Variants in C1orf159 observed in about 807,000 individuals in gnomAD.
The protein encoded by C1orf159 is chromosome 1 open reading frame 159, also known as uncharacterized protein C1orf159.
A neutral mutation model predicts 25.6 loss-of-function variants in C1orf159; 19 were observed. The observed-to-expected ratio is 0.74, with a 90% confidence interval of 0.52 to 1.09. The LOEUF (loss-of-function observed/expected upper bound fraction) is 1.09. C1orf159 is among the 50% of genes least tolerant of loss of function. C1orf159 has a pLI of 0.00. For missense variants in C1orf159, 274 were observed against 290.6 expected (o/e 0.94, Z 0.42); for synonymous variants, 139 against 124.7 (o/e 1.12, Z -0.77).
chr1:1,088,511 CG>C (rs1645872509), intron 4 of C1orf159, among the ~76,000 whole-genome samples: 1 of 150,536 alleles, frequency 6.6e-6, no homozygotes, highest in African/African-American at 2.5e-5. Flanking sequence ...CACCCTCCCC[CG>C]GGTCTCTCTC....
chr1:1,084,118 G>A, intron 9 of C1orf159: 2 of 1,571,266 alleles, frequency 1.3e-6, no homozygotes, highest in Non-Finnish European at 1.7e-6. Flanking sequence ...GGAAGTCACG[G>A]GGATTAAAGG....
intron 9 of C1orf159, chr1:1,084,027 G>A (rs755993548): frequency 3.7e-6 from 6 of 1,607,156 alleles, no homozygotes; most frequent in Non-Finnish European, 5.1e-6. Flanking sequence ...CTTCAAGGAG[G>A]AGCAGGTATT....
At chr1:1,094,582 A>G (rs1378478499) in intron 1 of C1orf159, among the ~76,000 whole-genome samples, 1 of 151,970 alleles carries the variant, frequency 6.6e-6, no homozygotes, top group Non-Finnish European at 1.5e-5. Flanking sequence ...TTGTATTTTT[A>G]GTAGAGACGG....
intron 3 of C1orf159, chr1:1,091,007 C>T (rs986618456): frequency 5.2e-6 from 8 of 1,525,822 alleles, no homozygotes; most frequent in Admixed American, 2.0e-5. Flanking sequence ...ACGGTGAGGG[C>T]GTCCAGGGGT....
In C1orf159 at chr1:1,091,482, A is replaced by G; in HGVS notation, c.62T>C (p.Met21Thr). The G allele has an allele frequency of 1.3e-6, 2 of 1,550,244 alleles. No individual in the cohort carries two copies. Among genetic ancestry groups the G allele is most frequent in the Non-Finnish European group, 1.7e-6 (2 of 1,146,838 alleles). Residue 21 changes from methionine (M) to threonine (T), a missense_variant, in exon 3 of 10, where the codon ATG (methionine) becomes ACG (threonine). Met to Thr is a moderately conservative substitution (Grantham distance 81). Coordinates refer to ENST00000421241, the MANE Select transcript of C1orf159 (RefSeq NM_017891.5). ...GAGGGGGGCACCTACCGTGTTCTCC[A>G]TGGACTTGCTGGCGACTCCCACGAG... is the stretch of plus-strand genomic sequence containing the variant. ...GLLVGVASKSMENTAQLPECC... is the reference protein window; with the variant it reads ...GLLVGVASKSTENTAQLPECC...
At chr1:1,093,997 A>T (rs939267578) in intron 1 of C1orf159, among the ~76,000 whole-genome samples, 2 of 151,852 alleles carry the variant, frequency 1.3e-5, no homozygotes, top group Non-Finnish European at 2.9e-5. Flanking sequence ...GCATCTTTCC[A>T]TGTGTTTATT....
intron 1 of C1orf159, among the ~76,000 whole-genome samples, chr1:1,099,133 G>T: frequency 6.6e-6 from 1 of 151,992 alleles, no homozygotes; most frequent in Non-Finnish European, 1.5e-5. Flanking sequence ...ATTGTGGATT[G>T]TCTATTGATG....
In C1orf159 at chr1:1,110,359, G is replaced by A. The variant is rs1646240788; in HGVS notation, c.-136+5701C>T. Among the ~76,000 whole-genome samples, 1 of 152,088 alleles carries A rather than the reference G, an allele frequency of 6.6e-6. No individual in the cohort carries two copies. The highest frequency in any genetic ancestry group is 2.4e-5 in the African/African-American group (1 of 41,402). ...ATTTTATTCTTAGTTTACAACATCA[G>A]TAATAAAATTAATAGGCAAATCAAA... On this transcript the variant is annotated intron_variant, in intron 1 of 9. Coordinates refer to ENST00000421241, the MANE Select transcript of C1orf159 (RefSeq NM_017891.5). The surrounding 1 kb of genome is among the most constrained non-coding windows in gnomAD (Gnocchi z 4.8).
intron 1 of C1orf159, among the ~76,000 whole-genome samples, chr1:1,107,401 C>A (rs766033560): frequency 5.9e-5 from 9 of 152,156 alleles, no homozygotes; most frequent in African/African-American, 1.7e-4. Flanking sequence ...TGTAAATACA[C>A]CAATCAGCAC....
Position 1,091,560 on chromosome 1 carries a change from C to T in C1orf159, c.-17G>A. 1.9e-6 allele frequency: 3 copies of T among 1,546,956 alleles called. No homozygotes were observed. Among genetic ancestry groups the T allele is most frequent in the Non-Finnish European group, 2.6e-6 (3 of 1,145,864 alleles). On this transcript the variant is annotated 5_prime_UTR_variant, in exon 3 of 10. Transcript: ENST00000421241. Reference sequence around the variant, plus strand: ...CAGCGCCATGCCAGGAGCAGATGCGCAGAGCCTGCCACAGGGAGGAGCATG... The same window carrying T: ...CAGCGCCATGCCAGGAGCAGATGCGTAGAGCCTGCCACAGGGAGGAGCATG...
At chr1:1,096,020 C>T (rs1043397076) in intron 1 of C1orf159, among the ~76,000 whole-genome samples, 2 of 152,214 alleles carry the variant, frequency 1.3e-5, no homozygotes, top group Non-Finnish European at 2.9e-5. Flanking sequence ...GGATAAACCA[C>T]ACTTGGCCGA....
chr1:1,083,679 C>T (rs1051037055), intron 9 of C1orf159: 16 of 565,330 alleles, frequency 2.8e-5, no homozygotes, highest in South Asian at 1.7e-4. Context: ...CCGGGGCACT[C>T]GGGCACCGTG....
intron 1 of C1orf159, among the ~76,000 whole-genome samples, chr1:1,115,748 C>T (rs1190561353): frequency 1.6e-5 from 2 of 122,298 alleles, no homozygotes; most frequent in Non-Finnish European, 3.5e-5. Flanking sequence ...CCCTCCCCAC[C>T]CCTCCCCGGG....
rs139184935 is a variant in C1orf159, at chr1:1,095,040, G to A, written c.-135-2937C>T. Reference sequence around the variant, plus strand: ...TGAAAATCAATGGACTATAGAGGTGGGGTCTATTTCCAGTCTTTCTATTCT... The same window carrying A: ...TGAAAATCAATGGACTATAGAGGTGAGGTCTATTTCCAGTCTTTCTATTCT... On this transcript the variant is annotated intron_variant, in intron 1 of 9. Transcript: ENST00000421241. Among the ~76,000 whole-genome samples the A allele has an allele frequency of 4.3e-3, 655 of 152,318 alleles. 6 individuals are homozygous for A. The highest frequency in any genetic ancestry group is 0.015 in the African/African-American group (615 of 41,556).
rs71576596 is a variant in C1orf159, at chr1:1,097,584, ATTTTT to A, written c.-135-5486_-135-5482del. Among the ~76,000 whole-genome samples the A allele has an allele frequency of 7.9e-5, 10 of 126,530 alleles. No individual in the cohort carries two copies. The South Asian group carries it at 2.3e-3, about 29-fold the overall frequency. The allele number at this position is 126,530 out of a possible 152,430, so 83.0% of individuals were successfully genotyped here. A position where few individuals can be genotyped will look rare whatever the true frequency, so the allele number is the denominator to read the frequency against. On this transcript the variant is annotated intron_variant, in intron 1 of 9. Transcript: ENST00000421241. Reference sequence around the variant, plus strand: ...CGAGCCACCACACCCAGCTCATTAAATTTTTTTTTTTTTTTTTTTGTAGAGATGGG... The same window carrying A: ...CGAGCCACCACACCCAGCTCATTAAATTTTTTTTTTTTTTGTAGAGATGGG...
At chr1:1,090,761 G>C (rs756866686) in intron 3 of C1orf159, 5 of 925,020 alleles carry the variant, frequency 5.4e-6, no homozygotes, top group Non-Finnish European at 8.6e-6. Flanking sequence ...CTCTCCATCA[G>C]GGGTTTCCGC....
rs575483653 is a variant in C1orf159, at chr1:1,090,443, G to A, written c.73-15C>T. 3.3e-5 allele frequency: 51 copies of A among 1,550,176 alleles called. No individual in the cohort carries two copies. The South Asian group carries it at 5.8e-4, about 18-fold the overall frequency. On this transcript the variant is annotated splice_polypyrimidine_tract_variant and intron_variant, in intron 3 of 9. Coordinates refer to ENST00000421241, the MANE Select transcript of C1orf159 (RefSeq NM_017891.5). ...GGCAGCTGGGCCTGGAGGGGACACG[G>A]CAGTGAAACTCCAGGACGCGCCTGC...
chr1:1,104,219 C>T (rs770735198), intron 1 of C1orf159, among the ~76,000 whole-genome samples: 1 of 152,292 alleles, frequency 6.6e-6, no homozygotes, highest in Middle Eastern at 3.4e-3. Flanking sequence ...AAACTCCTGA[C>T]CTCGTGATCC....
In C1orf159 at chr1:1,096,500, G is replaced by A. The variant is rs910318915; in HGVS notation, c.-135-4397C>T. Among the ~76,000 whole-genome samples, 8 of 152,146 alleles carry A rather than the reference G, an allele frequency of 5.3e-5. No individual in the cohort carries two copies. The East Asian group carries it at 5.8e-4, about 11-fold the overall frequency. ...TCTTTTATTTTCTGAAAGAGTTTGTGTAAGAATATTGTGATTTCTTCTTTG... is the reference window on the plus strand; with the variant it reads ...TCTTTTATTTTCTGAAAGAGTTTGTATAAGAATATTGTGATTTCTTCTTTG... On this transcript the variant is annotated intron_variant, in intron 1 of 9. Coordinates refer to ENST00000421241, the MANE Select transcript of C1orf159 (RefSeq NM_017891.5).
Sources: gnomAD v4.1 joint callset for allele counts (sites outside exome capture counted in the v4.1 genomes callset) on GRCh38, gnomAD v4.1.1 for gene constraint, Gnocchi (gnomAD v3.1) non-coding constraint, MANE v1.5 for transcripts, NCBI Gene and HGNC (gene_info 2026-07-23, HGNC 2026-07-21) for gene names.